Variants in SCAPER observed in about 807,000 individuals in gnomAD.
SCAPER encodes S-phase cyclin A associated protein in the ER, also known as S phase cyclin A-associated protein in the endoplasmic reticulum.
In SCAPER, 98 loss-of-function variants were observed where a neutral mutation model predicts 182.2. The observed-to-expected ratio is 0.54, with a 90% CI of 0.46 to 0.64. SCAPER has a LOEUF of 0.64. Ranked by LOEUF, SCAPER falls within the 30% of genes least tolerant of loss-of-function variation. The pLI, the probability that SCAPER is intolerant of heterozygous loss-of-function variation, is 0.00. For missense variants in SCAPER, 1,432 were observed against 1,690.0 expected (o/e 0.85, Z 2.68); for synonymous variants, 605 against 564.6 (o/e 1.07, Z -1.01).
intron 29 of SCAPER, among the ~76,000 whole-genome samples, chr15:76,359,172 G>T (rs1476734891): frequency 6.6e-6 from 1 of 152,160 alleles, no homozygotes; most frequent in Non-Finnish European, 1.5e-5. Context: ...CCCAGTGTGA[G>T]GCTTCCTAAA....
intron 27 of SCAPER, among the ~76,000 whole-genome samples, chr15:76,384,192 T>C (rs2043147530): frequency 6.6e-6 from 1 of 152,232 alleles, no homozygotes; most frequent in Non-Finnish European, 1.5e-5. Flanking sequence ...TCCCTAAAGC[T>C]AATTTCTAAT....
At chr15:76,420,103 C>A (rs1443878494) in intron 26 of SCAPER, among the ~76,000 whole-genome samples, 1 of 152,056 alleles carries the variant, frequency 6.6e-6, no homozygotes, top group Non-Finnish European at 1.5e-5. Context: ...ATTGAAAAAA[C>A]TCTCAACAAA....
At chr15:76,437,978 GAAT>G (rs2142599423) in intron 25 of SCAPER, among the ~76,000 whole-genome samples, 1 of 152,096 alleles carries the variant, frequency 6.6e-6, no homozygotes, top group Admixed American at 6.5e-5. Flanking sequence ...GAAACAGAAG[GAAT>G]AATATAAAAA....
intron 17 of SCAPER, among the ~76,000 whole-genome samples, chr15:76,718,886 A>G (rs1226428755): frequency 1.3e-5 from 2 of 152,176 alleles, no homozygotes; most frequent in Non-Finnish European, 2.9e-5. Flanking sequence ...GACTATTATC[A>G]AAAGGTCAAA....
intron 23 of SCAPER, among the ~76,000 whole-genome samples, chr15:76,543,010 C>T (rs917635733): frequency 6.6e-6 from 1 of 152,026 alleles, no homozygotes; most frequent in Non-Finnish European, 1.5e-5. Context: ...AAACTCAGTA[C>T]ATTTTTTTAA....
At chr15:76,443,867 A>G (rs1289447156) in intron 25 of SCAPER, among the ~76,000 whole-genome samples, 2 of 152,250 alleles carry the variant, frequency 1.3e-5, no homozygotes, top group Admixed American at 1.3e-4. Flanking sequence ...CTGAAGACAA[A>G]GCACAATCAA....
intron 27 of SCAPER, among the ~76,000 whole-genome samples, chr15:76,388,492 G>C (rs112418694): frequency 0.018 from 2,726 of 152,104 alleles, 46 homozygotes; most frequent in Middle Eastern, 0.031. Context: ...ACATCTAAAA[G>C]TGAAGTGGGC....
intron 17 of SCAPER, among the ~76,000 whole-genome samples, chr15:76,706,408 C>G (rs987961400): frequency 6.6e-6 from 1 of 152,070 alleles, no homozygotes; most frequent in Non-Finnish European, 1.5e-5. Flanking sequence ...CCTGAGAAAG[C>G]TGAAATCTAA....
chr15:76,426,674 C>T (rs918298126), intron 26 of SCAPER, among the ~76,000 whole-genome samples: 5 of 151,946 alleles, frequency 3.3e-5, no homozygotes, highest in East Asian at 1.9e-4. Flanking sequence ...CAATCTCTGT[C>T]GGAATACCAA....
intron 15 of SCAPER, among the ~76,000 whole-genome samples, chr15:76,744,473 A>C (rs1430448747): frequency 1.3e-5 from 2 of 152,202 alleles, no homozygotes; most frequent in Non-Finnish European, 2.9e-5. Flanking sequence ...AAAAATGAGC[A>C]AAAGACATGA....
At chr15:76,678,384 T>C (rs1420028681) in intron 20 of SCAPER, among the ~76,000 whole-genome samples, 3 of 145,626 alleles carry the variant, frequency 2.1e-5, no homozygotes, top group Non-Finnish European at 4.5e-5. Flanking sequence ...GAATCTAAAA[T>C]CCAGTTTTAC....
intron 27 of SCAPER, among the ~76,000 whole-genome samples, chr15:76,402,892 G>A (rs902789713): frequency 2.0e-5 from 3 of 152,108 alleles, no homozygotes; most frequent in Non-Finnish European, 4.4e-5. Flanking sequence ...AAGTGACGGT[G>A]AATGACCCTT....
At chr15:76,835,579 G>A (rs1238000943) in intron 5 of SCAPER, among the ~76,000 whole-genome samples, 1 of 152,124 alleles carries the variant, frequency 6.6e-6, no homozygotes, top group Non-Finnish European at 1.5e-5. Flanking sequence ...CACTCTCATA[G>A]CTAACATCAT....
At chr15:76,754,658 T>C (rs2062303174) in intron 14 of SCAPER, among the ~76,000 whole-genome samples, 1 of 151,536 alleles carries the variant, frequency 6.6e-6, no homozygotes, top group Admixed American at 6.6e-5. Flanking sequence ...TTATAGAAAA[T>C]CAGAAGATGG....
chr15:76,362,682 A>C (rs183499849), intron 29 of SCAPER, among the ~76,000 whole-genome samples: 2 of 152,220 alleles, frequency 1.3e-5, no homozygotes, highest in Admixed American at 6.5e-5. Flanking sequence ...AAGTGCTGGG[A>C]TTACAGGTGT....
intron 22 of SCAPER, among the ~76,000 whole-genome samples, chr15:76,604,617 A>T (rs1452712787): frequency 6.6e-6 from 1 of 150,540 alleles, no homozygotes; most frequent in Non-Finnish European, 1.5e-5. Context: ...TACCTTGGGC[A>T]GTATGGCCAT....
intron 20 of SCAPER, among the ~76,000 whole-genome samples, chr15:76,683,243 G>A (rs1309277090): frequency 2.0e-5 from 3 of 151,998 alleles, no homozygotes; most frequent in Non-Finnish European, 2.9e-5. Flanking sequence ...AACTCACTTC[G>A]AGAATCTCAT....
chr15:76,835,180 A>G (rs2068822247), intron 5 of SCAPER, among the ~76,000 whole-genome samples: 1 of 152,056 alleles, frequency 6.6e-6, no homozygotes, highest in Non-Finnish European at 1.5e-5. Context: ...CCCATTCACA[A>G]TAGCCACACA....
chr15:76,654,956 A>G (rs570445121), intron 21 of SCAPER, among the ~76,000 whole-genome samples: 1 of 152,388 alleles, frequency 6.6e-6, no homozygotes, highest in African/African-American at 2.4e-5. Flanking sequence ...GAGCTGAGAA[A>G]GAACTAGTGC....
Sources: gnomAD v4.1 joint callset for allele counts (sites outside exome capture counted in the v4.1 genomes callset) on GRCh38, gnomAD v4.1.1 for gene constraint, MANE v1.5 for transcripts, NCBI Gene and HGNC (gene_info 2026-07-23, HGNC 2026-07-21) for gene names.